Variants in PRELID3A observed in about 807,000 individuals in gnomAD.
PRELID3A encodes the protein PRELI domain containing 3A, also known as PRELI domain containing protein 3A.
In PRELID3A, 27 loss-of-function variants were observed where a neutral mutation model predicts 23.0. The ratio of observed to expected loss-of-function variants is 1.17; its 90% confidence interval spans 0.87 to 1.62. The LOEUF is 1.62. Ranked by LOEUF, PRELID3A falls within the 40% of genes most tolerant of loss-of-function variation. The pLI is 0.00. For synonymous variants in PRELID3A, 87 were observed against 86.4 expected (o/e 1.01, Z -0.04); for missense variants, 231 against 231.4 (o/e 1.00, Z 0.01).
intron 1 of PRELID3A, 116 bp downstream of exon 1, chr18:12,408,123 C>T (rs993132422): frequency 1.4e-5 from 13 of 955,428 alleles, no homozygotes; most frequent in Non-Finnish European, 1.6e-5. Flanking sequence ...CGGAGATCCC[C>T]GCCCCGCGCC....
chr18:12,419,635 A>C (rs1314101541), intron 1 of PRELID3A, among the ~76,000 whole-genome samples: 1 of 149,906 alleles, frequency 6.7e-6, no homozygotes, highest in Non-Finnish European at 1.5e-5. Context: ...TCTCAAAAAA[A>C]AATTAATTAA....
intron 1 of PRELID3A, among the ~76,000 whole-genome samples, chr18:12,416,647 C>CTTTT (rs33927481): frequency 1.5e-5 from 2 of 133,156 alleles, no homozygotes; most frequent in Non-Finnish European, 3.2e-5. Context: ...TTCTTTCTTT[C>CTTTT]TTTTTTTTTT....
At chr18:12,420,527 C>A in intron 2 of PRELID3A, 34 bp downstream of exon 2, 1 of 1,478,058 alleles carries the variant, frequency 6.8e-7, no homozygotes, top group Non-Finnish European at 9.0e-7. Context: ...TCCGAACGCG[C>A]CCGACTCCCC....
At chr18:12,427,462 C>A in intron 5 of PRELID3A, 139 bp downstream of exon 5, 1 of 682,698 alleles carries the variant, frequency 1.5e-6, no homozygotes, top group Non-Finnish European at 2.5e-6. Flanking sequence ...TTTGGGAGGC[C>A]AACGCAGGTG....
At chr18:12,419,706 G>A (rs573820530) in intron 1 of PRELID3A, among the ~76,000 whole-genome samples, 36 of 152,238 alleles carry the variant, frequency 2.4e-4, no homozygotes, top group African/African-American at 8.2e-4. Context: ...TTGGGAGGCC[G>A]AGGCGGGCAG....
At chr18:12,420,042 G>C in intron 1 of PRELID3A, 1 of 1,089,124 alleles carries the variant, frequency 9.2e-7, no homozygotes, top group Non-Finnish European at 1.2e-6. Context: ...GTTTGAGTCT[G>C]CAGTGACCCT....
chr18:12,420,472 G>A lies in PRELID3A; in HGVS notation c.180G>A (p.Gly60=), dbSNP rs1342138513. The change falls in exon 2 of 7, where the codon GGG becomes GGA. Residue 60 remains glycine, a synonymous_variant. Transcript: ENST00000440960. ...HSLRLLSTEW[G]LPSLVRAILG... is the part of the protein sequence containing the mutation. ...TGCGCCTGCTCAGCACCGAGTGGGG[G>A]CTGCCCAGCCTCGTGAGAGCGGTGA... The A allele has an allele frequency of 1.9e-6, 3 of 1,554,462 alleles. No homozygotes were observed. Among genetic ancestry groups the A allele is most frequent in the Non-Finnish European group, 2.6e-6 (3 of 1,149,752 alleles).
intron 3 of PRELID3A, among the ~76,000 whole-genome samples, chr18:12,421,910 A>C (rs966791862): frequency 5.3e-5 from 8 of 152,074 alleles, no homozygotes; most frequent in African/African-American, 1.4e-4. Flanking sequence ...GGCACCCCCC[A>C]CAGGATAACC....
Position 12,407,942 on chromosome 18 carries a change from C to G in PRELID3A, c.-34C>G, listed in dbSNP as rs892699932. 137 of 1,290,152 alleles carry G rather than the reference C, an allele frequency of 1.1e-4. No individual in the cohort carries two copies. The highest frequency in any genetic ancestry group is 3.6e-4 in the Admixed American group (9 of 24,670). The allele number at this position is 1,290,152 out of a possible 1,614,324, so 79.9% of individuals were successfully genotyped here. A position where few individuals can be genotyped will look rare whatever the true frequency, so the allele number is the denominator to read the frequency against. Reference sequence around the variant, plus strand: ...GCCGCGCGGCCCGAAGCACCCGGCCCGGATCGCAGAGCCCGCGCCCTGCGC... The same window carrying G: ...GCCGCGCGGCCCGAAGCACCCGGCCGGGATCGCAGAGCCCGCGCCCTGCGC... On this transcript the variant is annotated 5_prime_UTR_variant, in exon 1 of 7. Coordinates refer to ENST00000440960, the MANE Select transcript of PRELID3A (RefSeq NM_001142405.2).
chr18:12,412,123 C>T (rs1027692475), intron 1 of PRELID3A, among the ~76,000 whole-genome samples: 10 of 151,850 alleles, frequency 6.6e-5, no homozygotes, highest in Admixed American at 3.3e-4. Flanking sequence ...ATCTCCTGAC[C>T]TCGTGATCCG....
chr18:12,427,700 AAAT>A (rs1158231840), intron 5 of PRELID3A, among the ~76,000 whole-genome samples: 1 of 151,696 alleles, frequency 6.6e-6, no homozygotes, highest in African/African-American at 2.4e-5. Flanking sequence ...TTAAAAAAAA[AAAT>A]AAAAATAAAA....
rs201277907 is a variant in PRELID3A at position 12,420,303 on chromosome 18, G to A, written c.33-22G>A. The A allele has an allele frequency of 5.1e-6, 8 of 1,580,708 alleles. No homozygotes were observed. The East Asian group carries it at 1.6e-4, about 32-fold the overall frequency. ...GCCCCGGCCCCGGCGCTTGCTCACC[G>A]CCGCCTATGCTCTCCCCGCAGCCAC... is the stretch of plus-strand genomic sequence containing the variant. On this transcript the variant is annotated intron_variant, in intron 1 of 6. Transcript: ENST00000440960.
chr18:12,421,386 G>A (rs768997047), intron 2 of PRELID3A, 154 bp from the exon 3 acceptor site: 1 of 618,668 alleles, frequency 1.6e-6, no homozygotes, highest in South Asian at 2.0e-5. Context: ...GAGCGGAAGC[G>A]CCCTGGACAC....
chr18:12,428,618 C>T (rs529538), intron 5 of PRELID3A, among the ~76,000 whole-genome samples: 110,624 of 152,116 alleles, frequency 0.73, 40,799 homozygotes, highest in East Asian at 0.99. Context: ...CTATCTAATT[C>T]TGTAGAATCC....
chr18:12,414,937 T>TTCTTTTTTTTAGAGACGG (rs2029898392), intron 1 of PRELID3A, among the ~76,000 whole-genome samples: 1 of 152,116 alleles, frequency 6.6e-6, no homozygotes. Flanking sequence ...CTTTTTTTCT[T>TTCTTTTTTTTAGAGACGG]TCTTTTTTTT....
At position 12,432,067 on chromosome 18, in the gene PRELID3A, T is replaced by TA. The variant is rs937038261; in HGVS notation, c.*957dup. On this transcript the variant is annotated 3_prime_UTR_variant, in exon 7 of 7. Transcript: ENST00000440960. The stretch of plus-strand genomic sequence containing the variant: ...CATAAAAGCAACCCATGCTTATGGT[T>TA]AAAAAAGAGTACAGGAGTCTGGAGT... 2.3e-4 allele frequency: 35 copies of TA among 152,372 alleles called. No homozygotes were observed. The highest frequency in any genetic ancestry group is 7.5e-4 in the African/African-American group (31 of 41,590). 9.4% of individuals were successfully genotyped at this position (152,372 alleles called of 1,614,324 possible).
At chr18:12,421,015 G>GC (rs1409817810) in intron 2 of PRELID3A, among the ~76,000 whole-genome samples, 3 of 152,174 alleles carry the variant, frequency 2.0e-5, no homozygotes, top group South Asian at 2.1e-4. Flanking sequence ...CCATGGTTCA[G>GC]CCCCCCGTGG....
chr18:12,409,035 CACTT>C (rs1909820580), intron 1 of PRELID3A, among the ~76,000 whole-genome samples: 1 of 151,894 alleles, frequency 6.6e-6, no homozygotes, highest in Non-Finnish European at 1.5e-5. Flanking sequence ...TATCTGACCT[CACTT>C]AAGCATTAAA....
At chr18:12,420,288 C>T (rs2030115118) in intron 1 of PRELID3A, 37 bp from the exon 2 acceptor site, 4 of 1,558,760 alleles carry the variant, frequency 2.6e-6, no homozygotes, top group South Asian at 1.2e-5. Flanking sequence ...GCCCCGGCCC[C>T]GGCGCTTGCT....
Sources: allele counts gnomAD v4.1 joint callset (sites outside exome capture counted in the v4.1 genomes callset), GRCh38; gene constraint gnomAD v4.1.1; transcripts MANE v1.5; gene names NCBI Gene and HGNC (gene_info 2026-07-23, HGNC 2026-07-21).